Variants in MAGI1 observed in about 807,000 individuals in gnomAD.
MAGI1 encodes membrane associated guanylate kinase, WW and PDZ domain containing 1.
Under a neutral mutation model 139.9 loss-of-function variants are expected in MAGI1, and 58 were observed. The observed-to-expected ratio is 0.41, with a 90% confidence interval of 0.34 to 0.52. The LOEUF (loss-of-function observed/expected upper bound fraction) is 0.52, where lower values mean the gene tolerates loss of function less well. Among genes scored for constraint, MAGI1 ranks in the 20% least tolerant of loss-of-function variants. MAGI1 has a pLI of 0.12. For synonymous variants in MAGI1, 812 were observed against 737.9 expected (o/e 1.10, Z -1.63); for missense variants, 1,874 against 1,901.6 (o/e 0.99, Z 0.27).
intron 2 of MAGI1, among the ~76,000 whole-genome samples, chr3:65,541,995 A>G (rs1365350945): frequency 6.6e-6 from 1 of 152,202 alleles, no homozygotes; most frequent in East Asian, 1.9e-4. Context: ...CTGTCTGCAG[A>G]TTACATGATT....
chr3:65,415,566 G>A (rs551116504), intron 12 of MAGI1, among the ~76,000 whole-genome samples: 13 of 152,312 alleles, frequency 8.5e-5, no homozygotes, highest in Admixed American at 5.2e-4. Flanking sequence ...CTGCCACTCC[G>A]TTACTGAGGA....
At chr3:65,502,487 T>C (rs1271000158) in intron 2 of MAGI1, among the ~76,000 whole-genome samples, 2 of 152,218 alleles carry the variant, frequency 1.3e-5, no homozygotes, top group Non-Finnish European at 2.9e-5. Flanking sequence ...ACAGGCATTT[T>C]GACACACACC....
Position 65,629,854 on chromosome 3 carries a change from T to C in MAGI1, c.314-7766A>G, listed in dbSNP as rs772095850. ...ATGCTGAAAAAGTTCTAGAAATGGA[T>C]GGCGGTGACGGATGCACAACAATAT... On this transcript the variant is annotated intron_variant, in intron 1 of 22. Transcript: ENST00000402939. 2.0e-5 allele frequency among the ~76,000 whole-genome samples: 3 copies of C among 151,000 alleles called. No individual in the cohort carries two copies. In the East Asian group the frequency reaches 5.8e-4, roughly 29 times the overall value.
intron 2 of MAGI1, among the ~76,000 whole-genome samples, chr3:65,613,598 T>A (rs1375019270): frequency 6.6e-6 from 1 of 152,124 alleles, no homozygotes; most frequent in Non-Finnish European, 1.5e-5. Flanking sequence ...TAGGACTCTA[T>A]CCACTCAGCA....
At chr3:65,475,617 C>A (rs1446985668) in intron 4 of MAGI1, among the ~76,000 whole-genome samples, 2 of 152,166 alleles carry the variant, frequency 1.3e-5, no homozygotes, top group African/African-American at 4.8e-5. Flanking sequence ...ATTAAGCCCA[C>A]ATAGGAAGTG....
At chr3:65,907,364 A>C (rs567884242) in intron 1 of MAGI1, among the ~76,000 whole-genome samples, 2 of 152,312 alleles carry the variant, frequency 1.3e-5, no homozygotes, top group East Asian at 3.9e-4. Context: ...ATTTGCTCAA[A>C]GTCCTACAGC....
Position 65,356,791 on chromosome 3 carries a change from G to C in MAGI1, c.3976C>G (p.Arg1326Gly), listed in dbSNP as rs146045041. Reference protein sequence around the residue: ...NGPKRRSPEKRREGTRSADNT... With the variant: ...NGPKRRSPEKGREGTRSADNT... The stretch of plus-strand genomic sequence containing the variant: ...TCGGCGCTGCGGGTGCCCTCCCTCC[G>C]CTTCTCTGGGGACCGCCTCTTGGGG... The change falls in exon 23 of 23, where the codon CGG becomes GGG. Residue 1326 changes from arginine to glycine, a missense_variant. By Grantham distance (125) the Arg-to-Gly change is moderately radical. This residue lies in a region of MAGI1 where 653 missense variants were observed against 644.5 expected (regional missense o/e 1.01). Coordinates refer to ENST00000402939, the MANE Select transcript of MAGI1 (RefSeq NM_001033057.2). 6.2e-7 allele frequency: 1 copy of C among 1,610,084 alleles called. No individual in the cohort carries two copies.
intron 2 of MAGI1, among the ~76,000 whole-genome samples, chr3:65,569,828 T>G (rs538546862): frequency 6.6e-6 from 1 of 151,942 alleles, no homozygotes; most frequent in African/African-American, 2.4e-5. Context: ...TGAGCCATGA[T>G]TGTACCACTG....
chr3:65,687,616 T>C (rs369129393), intron 1 of MAGI1: 15 of 415,136 alleles, frequency 3.6e-5, no homozygotes, highest in East Asian at 1.9e-4. Flanking sequence ...ATAGGTGGGA[T>C]CCTATAAAAA....
intron 1 of MAGI1, among the ~76,000 whole-genome samples, chr3:65,992,210 T>A (rs1291652226): frequency 6.6e-6 from 1 of 152,114 alleles, no homozygotes; most frequent in Admixed American, 6.5e-5. Context: ...AGGTACCTCA[T>A]ACACTAACTG....
chr3:65,708,194 C>T (rs781317719), intron 1 of MAGI1, among the ~76,000 whole-genome samples: 4 of 152,172 alleles, frequency 2.6e-5, no homozygotes, highest in Admixed American at 6.5e-5. Flanking sequence ...ACAGATAGGA[C>T]CCAACCTGGC....
At chr3:65,744,166 A>G (rs1486483275) in intron 1 of MAGI1, among the ~76,000 whole-genome samples, 1 of 152,216 alleles carries the variant, frequency 6.6e-6, no homozygotes, top group Non-Finnish European at 1.5e-5. Context: ...ATGTGCTTCT[A>G]ACAGTTTGTT....
intron 1 of MAGI1, among the ~76,000 whole-genome samples, chr3:65,919,646 T>C (rs898538635): frequency 6.6e-6 from 1 of 150,764 alleles, no homozygotes; most frequent in Non-Finnish European, 1.5e-5. Flanking sequence ...AGGAGGTAAC[T>C]TGGATATATT....
intron 1 of MAGI1, among the ~76,000 whole-genome samples, chr3:65,795,915 G>A (rs949428143): frequency 2.6e-5 from 4 of 151,928 alleles, no homozygotes; most frequent in Admixed American, 1.3e-4. Flanking sequence ...GTCAGGTGTG[G>A]TAGTGCACAC....
At chr3:65,742,451 T>C (rs936274869) in intron 1 of MAGI1, among the ~76,000 whole-genome samples, 3 of 152,190 alleles carry the variant, frequency 2.0e-5, no homozygotes, top group African/African-American at 7.2e-5. Flanking sequence ...AGAATGTGAC[T>C]TGGGGCTCCA....
chr3:65,762,165 G>A (rs1249070563), intron 1 of MAGI1, among the ~76,000 whole-genome samples: 1 of 152,100 alleles, frequency 6.6e-6, no homozygotes, highest in Non-Finnish European at 1.5e-5. Context: ...CCCAGCGCCT[G>A]CCAGGAGGGC....
At chr3:65,982,674 C>T (rs1181120825) in intron 1 of MAGI1, among the ~76,000 whole-genome samples, 1 of 152,006 alleles carries the variant, frequency 6.6e-6, no homozygotes, top group Non-Finnish European at 1.5e-5. Context: ...AGTGTGTGGT[C>T]TGGTAATAGG....
chr3:65,364,267 C>T (rs968514460), intron 20 of MAGI1, among the ~76,000 whole-genome samples: 10 of 151,860 alleles, frequency 6.6e-5, no homozygotes, highest in South Asian at 4.2e-4. Context: ...CACTCTCCCT[C>T]GCCATCCTGA....
intron 1 of MAGI1, among the ~76,000 whole-genome samples, chr3:65,827,851 C>T (rs1462726956): frequency 1.3e-5 from 2 of 151,984 alleles, no homozygotes; most frequent in Admixed American, 1.3e-4. Flanking sequence ...GTTATTTTCC[C>T]ATTATATTAT....
Sources: gnomAD v4.1 joint callset for allele counts (sites outside exome capture counted in the v4.1 genomes callset) on GRCh38, gnomAD v4.1.1 for gene constraint, gnomAD v4.1.1 regional missense constraint, MANE v1.5 for transcripts, NCBI Gene and HGNC (gene_info 2026-07-23, HGNC 2026-07-21) for gene names.